Variants in IGF2BP3 observed in about 807,000 individuals in gnomAD.
IGF2BP3 encodes insulin-like growth factor 2 mRNA-binding protein 3.
A neutral mutation model predicts 73.8 loss-of-function variants in IGF2BP3; 9 were observed. That is an observed-to-expected ratio of 0.12 (90% CI 0.07 to 0.21). The LOEUF (loss-of-function observed/expected upper bound fraction) is 0.21, where lower values mean the gene tolerates loss of function less well. IGF2BP3 is among the 10% of genes least tolerant of loss of function. IGF2BP3 has a pLI of 1.00. For missense variants in IGF2BP3, 542 were observed against 714.0 expected, an observed-to-expected ratio of 0.76 and a Z score of 2.75; for synonymous variants, 258 against 256.7, an observed-to-expected ratio of 1.01 and a Z score of -0.05.
Position 23,361,567 on chromosome 7 carries a change from T to G in IGF2BP3, c.368A>C (p.Asn123Thr). The G allele has an allele frequency of 6.2e-7, 1 of 1,613,140 alleles. No homozygotes were observed. Among genetic ancestry groups the G allele is most frequent in the South Asian group, 1.1e-5 (1 of 91,038 alleles). The change falls in exon 5 of 15, where the codon AAT (asparagine) becomes ACT (threonine). Residue 123 changes from asparagine (N) to threonine (T), a missense_variant. Coordinates refer to ENST00000258729, the MANE Select transcript of IGF2BP3 (RefSeq NM_006547.3). ...TTGGTCCTTACTGGAATAGGTTACA[T>G]TTACAACTGCAGTTTCCGAGTCAGT... ...VNTDSETAVVNVTYSSKDQAR... is the reference protein window; with the variant it reads ...VNTDSETAVVTVTYSSKDQAR...
At chr7:23,423,198 A>G (rs549784646) in intron 2 of IGF2BP3, among the ~76,000 whole-genome samples, 25 of 152,360 alleles carry the variant, frequency 1.6e-4, no homozygotes, top group African/African-American at 5.5e-4. Context: ...ACAAGAGCCA[A>G]AAGTCTCAAC....
In IGF2BP3 at chr7:23,469,944, G is replaced by T. The variant is rs1788675389; in HGVS notation, c.167C>A (p.Ala56Glu). Reference sequence around the variant, plus strand: ...GCCAGGCCCGGGCCCACCTGAAAGCGCCTCGATGGCCTTGAGGGCCCAGCT... The same window carrying T: ...GCCAGGCCCGGGCCCACCTGAAAGCTCCTCGATGGCCTTGAGGGCCCAGCT... ...DESWALKAIE[A>E]LSGKIELHGK... Residue 56 changes from alanine (A) to glutamate (E), a missense_variant, in exon 1 of 15, where the codon GCG becomes GAG. Ala to Glu is a moderately radical substitution (Grantham distance 107, BLOSUM62 -1). Transcript: ENST00000258729. This position sits in a 1 kb window ranked among gnomAD's most constrained non-coding sequence, Gnocchi z 6.1. 1 of 1,608,942 alleles carries T rather than the reference G, an allele frequency of 6.2e-7. No homozygotes were observed. Among genetic ancestry groups the T allele is most frequent in the Non-Finnish European group, 8.5e-7 (1 of 1,178,396 alleles).
chr7:23,464,427 C>T (rs968663574), intron 2 of IGF2BP3, among the ~76,000 whole-genome samples: 3 of 152,056 alleles, frequency 2.0e-5, no homozygotes, highest in African/African-American at 4.8e-5. Flanking sequence ...GTGTTAAATA[C>T]ATTCATAGTG....
intron 3 of IGF2BP3, among the ~76,000 whole-genome samples, chr7:23,372,322 C>A (rs533478105): frequency 2.6e-5 from 4 of 152,110 alleles, no homozygotes; most frequent in Non-Finnish European, 5.9e-5. Context: ...ATCTGCCCCC[C>A]CTGGCCTCCC....
intron 10 of IGF2BP3, among the ~76,000 whole-genome samples, chr7:23,323,570 C>G (rs973911338): frequency 9.4e-5 from 14 of 149,018 alleles, no homozygotes; most frequent in African/African-American, 3.6e-4. Flanking sequence ...CCAAGCAGAC[C>G]TAATAGACAT....
intron 2 of IGF2BP3, among the ~76,000 whole-genome samples, chr7:23,426,326 A>G (rs962466930): frequency 1.4e-5 from 2 of 143,178 alleles, no homozygotes; most frequent in African/African-American, 2.5e-5. Flanking sequence ...GTCTCAAAAA[A>G]AAAAAAAAAA....
At chr7:23,468,840 G>A (rs1473798072) in intron 1 of IGF2BP3, among the ~76,000 whole-genome samples, 1 of 152,176 alleles carries the variant, frequency 6.6e-6, no homozygotes, top group Non-Finnish European at 1.5e-5. Context: ...GCCCGCAAGA[G>A]GGACGCGGCC....
At chr7:23,356,364 C>G (rs544157679) in intron 5 of IGF2BP3, among the ~76,000 whole-genome samples, 89 of 152,094 alleles carry the variant, frequency 5.9e-4, no homozygotes, top group African/African-American at 2.1e-3. Context: ...TTGAGATCAG[C>G]CTCGGCAACA....
rs202212306 is a variant in IGF2BP3 at position 23,347,708 on chromosome 7, G to A, written c.710C>T (p.Ala237Val). The change falls in exon 7 of 15, where the codon GCG (alanine) becomes GTG (valine). Residue 237 changes from alanine to valine, a missense_variant. Ala to Val is a moderately conservative substitution (Grantham distance 64, BLOSUM62 0). Around this residue, in one of 2 missense-constraint regions of IGF2BP3, gnomAD observed 303 missense variants for 472.1 expected, o/e 0.64. Transcript: ENST00000258729. ...SKIDVHRKEN[A>V]GAAEKSITIL... ...AGTAATCGACTTCTCAGCAGCCCCCGCATTTTCTTTACGGTGGACATCGAT... is the reference window on the plus strand; with the variant it reads ...AGTAATCGACTTCTCAGCAGCCCCCACATTTTCTTTACGGTGGACATCGAT... 78 of 1,613,940 alleles carry A rather than the reference G, an allele frequency of 4.8e-5. No homozygotes were observed. The highest frequency in any genetic ancestry group is 3.0e-4 in the South Asian group (27 of 91,074).
chr7:23,368,870 C>T (rs1785464800), intron 3 of IGF2BP3, among the ~76,000 whole-genome samples: 1 of 150,438 alleles, frequency 6.6e-6, no homozygotes, highest in Non-Finnish European at 1.5e-5. Flanking sequence ...GCACTCCAGC[C>T]TGGGCCACGA....
intron 2 of IGF2BP3, among the ~76,000 whole-genome samples, chr7:23,443,947 T>C (rs1442427121): frequency 6.6e-6 from 1 of 152,172 alleles, no homozygotes; most frequent in Non-Finnish European, 1.5e-5. Context: ...AGGCGGAGGA[T>C]GCAGTGAGCT....
At position 23,345,225 on chromosome 7, in the gene IGF2BP3, G is replaced by A. The variant is rs186299094; in HGVS notation, c.941+715C>T. Among the ~76,000 whole-genome samples the A allele has an allele frequency of 4.6e-5, 7 of 152,278 alleles. No homozygotes were observed. In the South Asian group the frequency reaches 6.2e-4, roughly 14 times the overall value. ...GCCACCCTCAGAAAAACCTTTCCAC[G>A]TAATTTCAGAGCATCCACAGATTCT... On this transcript the variant is annotated intron_variant, in intron 8 of 14. Transcript: ENST00000258729.
chr7:23,442,121 C>G (rs1471873907), intron 2 of IGF2BP3, among the ~76,000 whole-genome samples: 1 of 152,244 alleles, frequency 6.6e-6, no homozygotes, highest in African/African-American at 2.4e-5. Context: ...GAGTGAAACT[C>G]TGTCTCAAGA....
intron 3 of IGF2BP3, among the ~76,000 whole-genome samples, chr7:23,418,002 C>T (rs1787241228): frequency 6.6e-6 from 1 of 152,178 alleles, no homozygotes; most frequent in East Asian, 1.9e-4. Context: ...AACTTCCCAC[C>T]AAACTAACCT....
intron 10 of IGF2BP3, among the ~76,000 whole-genome samples, chr7:23,333,903 G>T (rs1292918078): frequency 6.6e-6 from 1 of 152,206 alleles, no homozygotes; most frequent in Non-Finnish European, 1.5e-5. Context: ...TCCTATCCAT[G>T]AAGCATCTTC....
intron 2 of IGF2BP3, among the ~76,000 whole-genome samples, chr7:23,428,708 CTTTTT>C (rs1472454858): frequency 7.2e-6 from 1 of 138,724 alleles, no homozygotes; most frequent in Non-Finnish European, 1.5e-5. Context: ...GCCTCTTTTT[CTTTTT>C]TTCTTTTTTT....
At chr7:23,413,702 T>C (rs1258942691) in intron 3 of IGF2BP3, 1 of 152,242 alleles carries the variant, frequency 6.6e-6, no homozygotes, top group East Asian at 1.9e-4. Context: ...TCCACATCGT[T>C]GTCTGCTGGG....
chr7:23,428,433 C>T (rs983144354), intron 2 of IGF2BP3, among the ~76,000 whole-genome samples: 22 of 151,810 alleles, frequency 1.4e-4, no homozygotes, highest in Non-Finnish European at 7.4e-5. Context: ...GATCGCACCA[C>T]TGCACTCCAG....
chr7:23,395,455 G>A (rs888515658), intron 3 of IGF2BP3, among the ~76,000 whole-genome samples: 1 of 152,030 alleles, frequency 6.6e-6, no homozygotes, highest in Admixed American at 6.6e-5. Flanking sequence ...AGTGATTTCT[G>A]CATCAATAAA....
Sources: allele counts gnomAD v4.1 joint callset (sites outside exome capture counted in the v4.1 genomes callset), GRCh38; gene constraint gnomAD v4.1.1; regional missense constraint gnomAD v4.1.1; non-coding constraint Gnocchi (gnomAD v3.1); transcripts MANE v1.5; gene names NCBI Gene and HGNC (gene_info 2026-07-23, HGNC 2026-07-21).